The following FAM76B variants were observed in gnomAD, a reference collection of about 807,000 sequenced individuals.
The protein encoded by FAM76B is protein FAM76B.
FAM76B carries 16 observed loss-of-function variants against 51.8 expected under a neutral mutation model. The ratio of observed to expected loss-of-function variants is 0.31; its 90% CI spans 0.21 to 0.47. FAM76B has a LOEUF of 0.47. Among genes scored for constraint, FAM76B ranks in the 20% least tolerant of loss-of-function variants. The pLI is 1.00. For missense variants in FAM76B, 342 were observed against 392.6 expected (o/e 0.87, Z 1.09); for synonymous variants, 166 against 129.5 (o/e 1.28, Z -1.91).
At chr11:95,786,911 A>G (rs1860625271) in intron 3 of FAM76B, 1 of 152,268 alleles carries the variant, frequency 6.6e-6, no homozygotes, top group Non-Finnish European at 1.5e-5. Flanking sequence ...GTATACATAT[A>G]AGACAATTTG....
At chr11:95,773,906 A>T (rs1859880927) in intron 9 of FAM76B, among the ~76,000 whole-genome samples, 1 of 151,238 alleles carries the variant, frequency 6.6e-6, no homozygotes, top group African/African-American at 2.4e-5. Context: ...AAAATATTTT[A>T]CTAGCTATTA....
chr11:95,779,476 TA>T, intron 7 of FAM76B, 130 bp downstream of exon 7: 1 of 804,132 alleles, frequency 1.2e-6, no homozygotes. Flanking sequence ...AATTTATGTT[TA>T]TTCTTCTAGG....
Position 95,778,885 on chromosome 11 carries a change from T to C in FAM76B, c.765A>G (p.Glu255=), listed in dbSNP as rs1334488541. Reference sequence around the variant, plus strand: ...GTAAGAGACGCTTAAGTGACATCACTTCTTCTTTCAATTGACTTATAAGGA... The same window carrying C: ...GTAAGAGACGCTTAAGTGACATCACCTCTTCTTTCAATTGACTTATAAGGA... The part of the protein sequence containing the change: ...NFVLISQLKE[E]VMSLKRLLQQ... Residue 255 remains glutamate (E), a synonymous_variant, in exon 8 of 10, where the codon GAA becomes GAG. Coordinates refer to ENST00000358780, the MANE Select transcript of FAM76B (RefSeq NM_144664.5). The C allele has an allele frequency of 2.5e-6, 4 of 1,610,994 alleles. No individual in the cohort carries two copies. The Admixed American group carries it at 5.0e-5, about 20-fold the overall frequency.
In FAM76B at chr11:95,787,610, T is replaced by G. The variant is rs990805672; in HGVS notation, c.207+14A>C. On this transcript the variant is annotated intron_variant, in intron 3 of 9. Coordinates refer to ENST00000358780, the MANE Select transcript of FAM76B (RefSeq NM_144664.5). ...AACTGGTAACAATGACATGAAAACA[T>G]AAGACATACTTACCGTCCCAAATTG... 1.1e-5 allele frequency: 17 copies of G among 1,607,626 alleles called. No individual in the cohort carries two copies. The East Asian group carries it at 3.1e-4, about 30-fold the overall frequency.
At chr11:95,772,174 G>A (rs1173205871) in intron 9 of FAM76B, among the ~76,000 whole-genome samples, 1 of 150,976 alleles carries the variant, frequency 6.6e-6, no homozygotes, top group Non-Finnish European at 1.5e-5. Context: ...TTTGCCAAAT[G>A]CACCCAATGA....
chr11:95,783,344 T>G (rs1860378146), intron 4 of FAM76B, 80 bp from the exon 5 acceptor site: 2 of 1,204,038 alleles, frequency 1.7e-6, no homozygotes, highest in East Asian at 4.7e-5. Context: ...ACCACTCAAC[T>G]TCCACCTATA....
At position 95,779,592 on chromosome 11, in the gene FAM76B, A is replaced by G. The variant is rs1392094705; in HGVS notation, c.692+15T>C. 5 of 1,595,792 alleles carry G rather than the reference A, an allele frequency of 3.1e-6. No individual in the cohort carries two copies. The highest frequency in any genetic ancestry group is 4.3e-6 in the Non-Finnish European group (5 of 1,171,358). Reference sequence around the variant, plus strand: ...TAAGTTGAATTTTCATAACACTAAAAGAATTCATTTTTACCTATCTCCATT... The same window carrying G: ...TAAGTTGAATTTTCATAACACTAAAGGAATTCATTTTTACCTATCTCCATT... On this transcript the variant is annotated intron_variant, in intron 7 of 9. Coordinates refer to ENST00000358780, the MANE Select transcript of FAM76B (RefSeq NM_144664.5).
rs1174030753 is a variant in FAM76B, at chr11:95,775,951, C to T, written c.901G>A (p.Ala301Thr). The change falls in exon 9 of 10, where the codon GCC (alanine) becomes ACC (threonine). Residue 301 changes from alanine to threonine, a missense_variant. This residue lies in a region of FAM76B where 230 missense variants were observed against 257.4 expected (regional missense o/e 0.89). Transcript: ENST00000358780. ...AGTTGTTCCACAGTTTCTTTGTGGG[C>T]TTTTTCCATACTGTTCATTTTTGTT... The part of the protein sequence containing the change: ...LRTKMNSMEK[A>T]HKETVEQLQA... 3 of 1,589,288 alleles carry T rather than the reference C, an allele frequency of 1.9e-6. No homozygotes were observed. The highest frequency in any genetic ancestry group is 2.3e-5 in the East Asian group (1 of 43,870).
Position 95,786,202 on chromosome 11 carries a change from C to T in FAM76B, c.280G>A (p.Glu94Lys), listed in dbSNP as rs1860575696. The part of the protein sequence containing the change: ...GTKCQRCTNS[E>K]KKYGPPQTCE... ...GTCTGAGGTGGTCCATACTTTTTTT[C>T]TGAATTTGTGCAACGCTGACACTTG... Residue 94 changes from glutamate to lysine, a missense_variant, in exon 4 of 10, where the codon GAA becomes AAA. By Grantham distance (56) the Glu-to-Lys change is moderately conservative. This residue lies in a region of FAM76B where 16 missense variants were observed against 40.5 expected (regional missense o/e 0.40). Transcript: ENST00000358780. 1 of 1,613,880 alleles carries T rather than the reference C, an allele frequency of 6.2e-7. No homozygotes were observed. Among genetic ancestry groups the T allele is most frequent in the African/African-American group, 1.3e-5 (1 of 74,890 alleles).
Position 95,770,409 on chromosome 11 carries a change from A to G in FAM76B, c.*1152T>C, listed in dbSNP as rs1182040283. 1.3e-5 allele frequency: 2 copies of G among 151,858 alleles called. No individual in the cohort carries two copies. Among genetic ancestry groups the G allele is most frequent in the Non-Finnish European group, 3.0e-5 (2 of 67,518 alleles). 9.4% of individuals were successfully genotyped at this position (151,858 alleles called of 1,614,324 possible). On this transcript the variant is annotated 3_prime_UTR_variant, in exon 10 of 10. Coordinates refer to ENST00000358780, the MANE Select transcript of FAM76B (RefSeq NM_144664.5). ...TTTCAGATTTGCTTTAAATTTACAA[A>G]TTACATTGTACATAAATATTAACTT...
intron 9 of FAM76B, among the ~76,000 whole-genome samples, chr11:95,774,165 G>A (rs1859894213): frequency 6.6e-6 from 1 of 151,296 alleles, no homozygotes; most frequent in African/African-American, 2.4e-5. Context: ...GGGAACTAGT[G>A]TAGGACAGGG....
rs1463465018 is a variant in FAM76B at position 95,788,430 on chromosome 11, T to C, written c.152+69A>G. 3 of 1,266,982 alleles carry C rather than the reference T, an allele frequency of 2.4e-6. No individual in the cohort carries two copies. In the African/African-American group the frequency reaches 4.6e-5, roughly 19 times the overall value. 78.5% of individuals were successfully genotyped at this position (1,266,982 alleles called of 1,614,324 possible). A position where few individuals can be genotyped will look rare whatever the true frequency, so the allele number is the denominator to read the frequency against. On this transcript the variant is annotated intron_variant, in intron 2 of 9. Transcript: ENST00000358780. ...AAATACTTTCATAAAAACATGGGAT[T>C]ACAACCCCCAAGTATTCCATAAAGA...
At chr11:95,773,707 C>T (rs1476859526) in intron 9 of FAM76B, among the ~76,000 whole-genome samples, 1 of 151,328 alleles carries the variant, frequency 6.6e-6, no homozygotes, top group Non-Finnish European at 1.5e-5. Flanking sequence ...CTTAGCCTAA[C>T]ACAGTTCCTG....
At chr11:95,773,458 C>A (rs1203632478) in intron 9 of FAM76B, among the ~76,000 whole-genome samples, 579 of 127,612 alleles carry the variant, frequency 4.5e-3, no homozygotes, top group South Asian at 5.2e-3. Flanking sequence ...TGCAGCCAGC[C>A]AAAAAAAAAA....
chr11:95,784,079 C>G (rs1038309039), intron 4 of FAM76B, among the ~76,000 whole-genome samples: 1 of 152,072 alleles, frequency 6.6e-6, no homozygotes, highest in Non-Finnish European at 1.5e-5. Flanking sequence ...AAACATGGTA[C>G]GTATATACCA....
intron 3 of FAM76B, chr11:95,786,790 CTTGA>C (rs1860614772): frequency 6.6e-6 from 1 of 152,146 alleles, no homozygotes; most frequent in Admixed American, 6.5e-5. Flanking sequence ...AAAAACATAC[CTTGA>C]TTTTCTTTGA....
At chr11:95,779,174 A>G in intron 7 of FAM76B, 1 of 1,548,936 alleles carries the variant, frequency 6.5e-7, no homozygotes, top group Non-Finnish European at 8.7e-7. Context: ...TAAGGGGGTC[A>G]ATACTTCTAG....
chr11:95,778,931 C>T lies in FAM76B; in HGVS notation c.719G>A (p.Ser240Asn), dbSNP rs1461521231. The change falls in exon 8 of 10, where the codon AGT (serine) becomes AAT (asparagine). Residue 240 changes from serine (S) to asparagine (N), a missense_variant. Around this residue, in one of 3 missense-constraint regions of FAM76B, gnomAD observed 230 missense variants for 257.4 expected, o/e 0.89. Transcript: ENST00000358780. ...DSSSINQSADSGGTDNFVLIS... is the reference protein window; with the variant it reads ...DSSSINQSADNGGTDNFVLIS... ...AAGGACAAAATTGTCTGTTCCCCCA[C>T]TATCTGCTGACTGATTTATAGAGCT... is the stretch of plus-strand genomic sequence containing the variant. 1.9e-6 allele frequency: 3 copies of T among 1,610,170 alleles called. No homozygotes were observed. The African/African-American group carries it at 4.0e-5, about 22-fold the overall frequency.
chr11:95,783,620 CTAA>C (rs1198560926), intron 4 of FAM76B, among the ~76,000 whole-genome samples: 4 of 152,160 alleles, frequency 2.6e-5, no homozygotes, highest in Non-Finnish European at 5.9e-5. Flanking sequence ...TGTGTCATTA[CTAA>C]TAATTTTTCA....
Sources: gnomAD v4.1 joint callset for allele counts (sites outside exome capture counted in the v4.1 genomes callset) on GRCh38, gnomAD v4.1.1 for gene constraint, gnomAD v4.1.1 regional missense constraint, MANE v1.5 for transcripts, NCBI Gene and HGNC (gene_info 2026-07-23, HGNC 2026-07-21) for gene names.